The following PKD1L1 variants were observed in gnomAD, a reference collection of about 807,000 sequenced individuals.
PKD1L1 encodes polycystin-1-like protein 1.
Under a neutral mutation model 323.4 loss-of-function variants are expected in PKD1L1, and 236 were observed. That is an observed-to-expected ratio of 0.73 (90% CI 0.66 to 0.81). The LOEUF is 0.81. Among genes scored for constraint, PKD1L1 ranks in the 40% least tolerant of loss-of-function variants. The pLI is 0.00. For synonymous variants in PKD1L1, 1,344 were observed against 1,335.0 expected (o/e 1.01, Z -0.15); for missense variants, 3,320 against 3,508.0 (o/e 0.95, Z 1.35).
At chr7:47,892,808 G>A (rs1786849969) in intron 15 of PKD1L1, among the ~76,000 whole-genome samples, 1 of 152,044 alleles carries the variant, frequency 6.6e-6, no homozygotes, top group Non-Finnish European at 1.5e-5. Flanking sequence ...TTACGGAGAT[G>A]AGCCCAAGAC....
In PKD1L1 at chr7:47,890,781, G is replaced by A. The variant is rs372682154; in HGVS notation, c.2454-18C>T. On this transcript the variant is annotated intron_variant, in intron 15 of 56. Coordinates refer to ENST00000289672, the MANE Select transcript of PKD1L1 (RefSeq NM_138295.5). ...AGTGATACCTGTTGGAGAAGTCATC[G>A]GAGTGGCTGAGGGGAGCATCAGGCA... 1.6e-5 allele frequency: 26 copies of A among 1,609,384 alleles called. No homozygotes were observed. In the Middle Eastern group the frequency reaches 1.3e-3, roughly 83 times the overall value.
chr7:47,832,174 A>G (rs1785360558), intron 41 of PKD1L1, among the ~76,000 whole-genome samples: 1 of 152,212 alleles, frequency 6.6e-6, no homozygotes, highest in Admixed American at 6.5e-5. Context: ...AAATCAAAGA[A>G]TGTGAGCTGT....
Position 47,857,807 on chromosome 7 carries a change from C to T in PKD1L1, c.4388G>A (p.Ser1463Asn), listed in dbSNP as rs1785938032. ...GGTCCGGAACTCCATCTGCCCAGTGCTAACATGGTTCAAAGAGAGACAACC... is the reference window on the plus strand; with the variant it reads ...GGTCCGGAACTCCATCTGCCCAGTGTTAACATGGTTCAAAGAGAGACAACC... ...LLGCLSLNHV[S>N]TGQMEFRTLL... The change falls in exon 28 of 57, where the codon AGC becomes AAC. Residue 1463 changes from serine to asparagine, a missense_variant. Ser to Asn is a conservative substitution (Grantham distance 46). Coordinates refer to ENST00000289672, the MANE Select transcript of PKD1L1 (RefSeq NM_138295.5). The T allele has an allele frequency of 1.2e-6, 2 of 1,614,150 alleles. No individual in the cohort carries two copies. The highest frequency in any genetic ancestry group is 8.5e-7 in the Non-Finnish European group (1 of 1,180,010).
chr7:47,818,296 G>A (rs1169784398), intron 46 of PKD1L1: 4 of 880,606 alleles, frequency 4.5e-6, no homozygotes, highest in South Asian at 3.8e-5. Flanking sequence ...TAGGAAAGAG[G>A]CAAAGGATGG....
chr7:47,927,873 T>A (rs1437977736), intron 7 of PKD1L1, among the ~76,000 whole-genome samples: 2 of 152,202 alleles, frequency 1.3e-5, no homozygotes, highest in African/African-American at 4.8e-5. Flanking sequence ...CACATGTAAT[T>A]ATTCACTGCA....
intron 6 of PKD1L1, 78 bp downstream of exon 6, chr7:47,931,026 A>T: frequency 7.2e-7 from 1 of 1,380,572 alleles, no homozygotes; most frequent in Non-Finnish European, 1.0e-6. Context: ...TACTAAAATC[A>T]CTAACGGATT....
intron 54 of PKD1L1, among the ~76,000 whole-genome samples, chr7:47,796,713 C>A (rs372511742): frequency 2.5e-4 from 38 of 152,020 alleles, no homozygotes; most frequent in Admixed American, 2.4e-3. Flanking sequence ...CAGGGCTGGG[C>A]GCAGTGGCTC....
intron 7 of PKD1L1, among the ~76,000 whole-genome samples, chr7:47,922,599 C>T (rs1346795246): frequency 1.3e-5 from 2 of 151,974 alleles, no homozygotes; most frequent in Non-Finnish European, 2.9e-5. Context: ...TCTACCCCGC[C>T]GCCACCCCGT....
At chr7:47,949,237 C>G (rs1257779992), upstream of PKD1L1, among the ~76,000 whole-genome samples, 1 of 151,750 alleles carries the variant, frequency 6.6e-6, no homozygotes, top group African/African-American at 2.4e-5. Flanking sequence ...GGCATGGTGG[C>G]ACGCACCTGT....
chr7:47,841,396 A>G (rs1050288586), intron 34 of PKD1L1, among the ~76,000 whole-genome samples: 1 of 152,198 alleles, frequency 6.6e-6, no homozygotes, highest in Non-Finnish European at 1.5e-5. Context: ...AAGCCTGGAT[A>G]TCGAGTTGGG....
chr7:47,867,430 CA>C (rs2128744217), intron 24 of PKD1L1, among the ~76,000 whole-genome samples: 1 of 152,206 alleles, frequency 6.6e-6, no homozygotes, highest in Non-Finnish European at 1.5e-5. Flanking sequence ...ACATATAAAC[CA>C]ATGACCAAAC....
At chr7:47,874,033 A>C (rs1488595205) in intron 23 of PKD1L1, 23 bp from the exon 24 acceptor site, 1 of 1,477,098 alleles carries the variant, frequency 6.8e-7, no homozygotes, top group East Asian at 2.3e-5. Context: ...ATGTCAGAAG[A>C]GGGTCATCTT....
intron 6 of PKD1L1, 126 bp downstream of exon 6, chr7:47,930,978 G>T: frequency 1.0e-6 from 1 of 985,826 alleles, no homozygotes; most frequent in African/African-American, 1.6e-5. Flanking sequence ...AAAGTCACTG[G>T]ACTCAACTGC....
intron 1 of PKD1L1, among the ~76,000 whole-genome samples, chr7:47,945,577 TA>T (rs1272557082): frequency 5.3e-5 from 8 of 151,738 alleles, no homozygotes; most frequent in Non-Finnish European, 8.8e-5. Context: ...AATGAAAAAA[TA>T]AAAAATAACA....
Position 47,908,194 on chromosome 7 carries a change from C to G in PKD1L1, c.1285G>C (p.Glu429Gln), listed in dbSNP as rs1213358182. The G allele has an allele frequency of 4.3e-6, 7 of 1,614,106 alleles. No homozygotes were observed. The South Asian group carries it at 5.5e-5, about 13-fold the overall frequency. The change falls in exon 9 of 57, where the codon GAG becomes CAG. Residue 429 changes from glutamate (E) to glutamine (Q), a missense_variant. Glu to Gln is a conservative substitution (Grantham distance 29). Coordinates refer to ENST00000289672, the MANE Select transcript of PKD1L1 (RefSeq NM_138295.5). Reference sequence around the variant, plus strand: ...ATCTCCACATAATAAGGCCCAAGCTCCACTTCGGTTCCATGAAACTCGTTA... The same window carrying G: ...ATCTCCACATAATAAGGCCCAAGCTGCACTTCGGTTCCATGAAACTCGTTA... Reference protein sequence around the residue: ...IYNEFHGTEVELGPYYVEIGH... With the variant: ...IYNEFHGTEVQLGPYYVEIGH...
intron 21 of PKD1L1, among the ~76,000 whole-genome samples, chr7:47,880,023 G>A (rs1288914978): frequency 2.0e-5 from 3 of 151,448 alleles, no homozygotes; most frequent in Non-Finnish European, 4.4e-5. Flanking sequence ...ATGTCTAGAA[G>A]TTCTGCAAAA....
chr7:47,831,196 T>C (rs779472081), intron 42 of PKD1L1, 21 bp downstream of exon 42: 24 of 1,603,158 alleles, frequency 1.5e-5, no homozygotes, highest in African/African-American at 2.7e-5. Context: ...CTGAGGATGT[T>C]TGAAAAACTC....
At chr7:47,887,921 T>C in intron 17 of PKD1L1, 69 bp downstream of exon 17, 1 of 1,478,994 alleles carries the variant, frequency 6.8e-7, no homozygotes, top group Non-Finnish European at 9.2e-7. Flanking sequence ...TTTGCAACAT[T>C]TTAGCAATCT....
At chr7:47,920,950 C>T (rs1787522566) in intron 7 of PKD1L1, among the ~76,000 whole-genome samples, 1 of 152,142 alleles carries the variant, frequency 6.6e-6, no homozygotes, top group Non-Finnish European at 1.5e-5. Flanking sequence ...TAGAAGATAA[C>T]ATTGGAAAAA....
Sources: allele counts gnomAD v4.1 joint callset (sites outside exome capture counted in the v4.1 genomes callset), GRCh38; gene constraint gnomAD v4.1.1; transcripts MANE v1.5; gene names NCBI Gene and HGNC (gene_info 2026-07-23, HGNC 2026-07-21).